CHD9: variants seen among roughly 807,000 people sequenced by gnomAD.
The protein encoded by CHD9 is ATP-dependent chromatin remodeler CHD9.
A neutral mutation model predicts 316.1 loss-of-function variants in CHD9; 77 were observed. The observed-to-expected ratio is 0.24, with a 90% CI of 0.20 to 0.29. CHD9 has a LOEUF of 0.29. Ranked by LOEUF, CHD9 falls within the 10% of genes least tolerant of loss-of-function variation. The probability of loss-of-function intolerance (pLI) is 1.00; values close to 1 mark genes in which losing one functional copy is unlikely to be tolerated. For synonymous variants in CHD9, 1,129 were observed against 1,158.3 expected (o/e 0.97, Z 0.51); for missense variants, 2,763 against 3,438.1 (o/e 0.80, Z 4.91).
At chr16:53,270,989 C>T (rs531639140) in intron 22 of CHD9, among the ~76,000 whole-genome samples, 24 of 152,108 alleles carry the variant, frequency 1.6e-4, no homozygotes, top group African/African-American at 5.5e-4. Context: ...CTGGATTGCA[C>T]TGGTAGTTGA....
intron 25 of CHD9, among the ~76,000 whole-genome samples, 170 bp downstream of exon 25, chr16:53,285,869 C>T (rs893289736): frequency 3.3e-5 from 5 of 152,162 alleles, no homozygotes; most frequent in Non-Finnish European, 7.3e-5. Context: ...CACATTACCT[C>T]GTGGGAGGGT....
intron 22 of CHD9, among the ~76,000 whole-genome samples, chr16:53,271,271 G>A (rs1415375012): frequency 2.0e-5 from 3 of 152,066 alleles, no homozygotes; most frequent in Non-Finnish European, 4.4e-5. Context: ...ATGAAAGAGA[G>A]AGACAAAAAA....
At chr16:53,323,976 T>C (rs768711231) in intron 38 of CHD9, 44 bp from the exon 39 acceptor site, 1 of 1,474,020 alleles carries the variant, frequency 6.8e-7, no homozygotes, top group South Asian at 1.3e-5. Flanking sequence ...ACTCTTTATT[T>C]TATTTTCATG....
rs556087828 is a variant in CHD9 at position 53,057,450 on chromosome 16, C to T, written c.-165+2373C>T. On this transcript the variant is annotated intron_variant, in intron 1 of 38. Transcript: ENST00000447540. ...GGGTGGATACCTGAGGTCAAGAGTT[C>T]GAGACCAGCCTGGCCAACATGGCAA... 2.6e-5 allele frequency among the ~76,000 whole-genome samples: 4 copies of T among 151,848 alleles called. No homozygotes were observed. The East Asian group carries it at 7.8e-4, about 29-fold the overall frequency.
At chr16:53,091,426 C>T (rs2035935293) in intron 1 of CHD9, among the ~76,000 whole-genome samples, 1 of 152,172 alleles carries the variant, frequency 6.6e-6, no homozygotes, top group South Asian at 2.1e-4. Context: ...GTCCTCACCC[C>T]TACATCTGGC....
intron 3 of CHD9, among the ~76,000 whole-genome samples, chr16:53,217,972 C>A (rs2046922281): frequency 7.1e-6 from 1 of 141,278 alleles, no homozygotes; most frequent in Admixed American, 7.3e-5. Context: ...TTTTTTAATT[C>A]AGAATTACTG....
intron 17 of CHD9, among the ~76,000 whole-genome samples, chr16:53,252,211 C>A (rs566879041): frequency 6.6e-5 from 10 of 152,244 alleles, no homozygotes; most frequent in Admixed American, 1.3e-4. Context: ...GACACATAGA[C>A]CAATGGAACA....
At chr16:53,186,605 A>G (rs1413859225) in intron 2 of CHD9, among the ~76,000 whole-genome samples, 2 of 152,230 alleles carry the variant, frequency 1.3e-5, no homozygotes, top group East Asian at 1.9e-4. Context: ...GGCCAGGGGC[A>G]GAATGATATG....
intron 11 of CHD9, 115 bp downstream of exon 11, chr16:53,235,421 TAA>T (rs1341632142): frequency 5.5e-5 from 40 of 728,352 alleles, no homozygotes; most frequent in Non-Finnish European, 7.8e-5. Flanking sequence ...CTTCATTATT[TAA>T]AGTGAGGTTA....
chr16:53,194,720 G>T (rs927040663), intron 2 of CHD9, among the ~76,000 whole-genome samples: 1 of 152,104 alleles, frequency 6.6e-6, no homozygotes, highest in Non-Finnish European at 1.5e-5. Flanking sequence ...TTGATTGTGG[G>T]TTTTGAAAAA....
chr16:53,117,681 G>A (rs1298486514), intron 1 of CHD9, among the ~76,000 whole-genome samples: 1 of 152,124 alleles, frequency 6.6e-6, no homozygotes, highest in East Asian at 1.9e-4. Context: ...CTCCCAAGGT[G>A]CTGGGATTAC....
chr16:53,259,402 T>G (rs941763245), intron 19 of CHD9, among the ~76,000 whole-genome samples: 1 of 151,942 alleles, frequency 6.6e-6, no homozygotes, highest in African/African-American at 2.4e-5. Flanking sequence ...AGCATATAAT[T>G]TTTTTTTAGG....
intron 1 of CHD9, among the ~76,000 whole-genome samples, chr16:53,150,415 A>G (rs1377039947): frequency 1.3e-5 from 2 of 152,202 alleles, no homozygotes; most frequent in Non-Finnish European, 2.9e-5. Flanking sequence ...TATTGTTATT[A>G]TCAAAGATTA....
At chr16:53,293,933 G>C (rs2054568207) in intron 29 of CHD9, among the ~76,000 whole-genome samples, 1 of 151,682 alleles carries the variant, frequency 6.6e-6, no homozygotes, top group South Asian at 2.1e-4. Context: ...GAGTGACAGA[G>C]TGAGACCGTC....
intron 2 of CHD9, among the ~76,000 whole-genome samples, chr16:53,205,263 A>G (rs1188028585): frequency 1.3e-5 from 2 of 152,224 alleles, no homozygotes; most frequent in African/African-American, 4.8e-5. Flanking sequence ...GTACAAATAA[A>G]TTATTTTACT....
chr16:53,325,133 A>T lies in CHD9; in HGVS notation c.*238A>T, dbSNP rs1378634134. ...AAGGTGTAAAATTACAACAAAAGGC[A>T]TTATAATTTTGTTGGGGGTTAATTT... is the stretch of plus-strand genomic sequence containing the variant. On this transcript the variant is annotated 3_prime_UTR_variant, in exon 39 of 39. Transcript: ENST00000447540. 2.9e-6 allele frequency: 1 copy of T among 348,586 alleles called. No individual in the cohort carries two copies. Among genetic ancestry groups the T allele is most frequent in the African/African-American group, 2.1e-5 (1 of 47,702 alleles). 21.6% of individuals were successfully genotyped at this position (348,586 alleles called of 1,614,324 possible).
chr16:53,075,086 A>T (rs573169551), intron 1 of CHD9, among the ~76,000 whole-genome samples: 1 of 152,304 alleles, frequency 6.6e-6, no homozygotes, highest in South Asian at 2.1e-4. Context: ...TGTGACCTGG[A>T]TATGAGACCT....
intron 1 of CHD9, among the ~76,000 whole-genome samples, chr16:53,138,893 T>C (rs2039902011): frequency 6.6e-6 from 1 of 152,212 alleles, no homozygotes; most frequent in African/African-American, 2.4e-5. Context: ...TAGGATGATT[T>C]GGTTTACATT....
chr16:53,063,768 T>G, intron 1 of CHD9, among the ~76,000 whole-genome samples: 1 of 151,346 alleles, frequency 6.6e-6, no homozygotes, highest in East Asian at 1.9e-4. Context: ...CCTGACCTCG[T>G]GACCCGCCCA....
Sources: gnomAD v4.1 joint callset for allele counts (sites outside exome capture counted in the v4.1 genomes callset) on GRCh38, gnomAD v4.1.1 for gene constraint, MANE v1.5 for transcripts, NCBI Gene and HGNC (gene_info 2026-07-23, HGNC 2026-07-21) for gene names.